The following NEMP1 variants were observed in gnomAD, a reference collection of about 807,000 sequenced individuals.
The protein encoded by NEMP1 is nuclear envelope integral membrane protein 1.
In NEMP1, 29 loss-of-function variants were observed where a neutral mutation model predicts 53.7. That is an observed-to-expected ratio of 0.54 (90% CI 0.40 to 0.74). The LOEUF (loss-of-function observed/expected upper bound fraction) is 0.74, where lower values mean the gene tolerates loss of function less well. NEMP1 is among the 30% of genes least tolerant of loss of function. NEMP1 has a pLI of 0.00. For missense variants in NEMP1, 477 were observed against 528.6 expected, an observed-to-expected ratio of 0.90 and a Z score of 0.96; for synonymous variants, 193 against 192.9, an observed-to-expected ratio of 1.00 and a Z score of 0.00.
intron 1 of NEMP1, among the ~76,000 whole-genome samples, chr12:57,073,192 T>C (rs2032435648): frequency 6.6e-6 from 1 of 151,792 alleles, no homozygotes. Flanking sequence ...AGTCTCGCTC[T>C]TTTGCCCAGG....
chr12:57,087,738 G>GCCCCA (rs1484201098), intron 1 of NEMP1, among the ~76,000 whole-genome samples: 1 of 152,008 alleles, frequency 6.6e-6, no homozygotes, highest in Non-Finnish European at 1.5e-5. Context: ...GCCCCGCCAT[G>GCCCCA]CCCCACCCCA....
chr12:57,057,851 C>T lies in NEMP1; in HGVS notation c.*2028G>A, dbSNP rs1372952238. 6.6e-6 allele frequency: 1 copy of T among 152,192 alleles called. No homozygotes were observed. Among genetic ancestry groups the T allele is most frequent in the Non-Finnish European group, 1.5e-5 (1 of 68,034 alleles). The allele number at this position is 152,192 out of a possible 1,614,324, so 9.4% of individuals were successfully genotyped here. ...GTCACCCTTATAGGCAAGCTATCAC[C>T]TCCCTAAGTAGGGGAGGCACCAAAA... On this transcript the variant is annotated 3_prime_UTR_variant, in exon 9 of 9. Transcript: ENST00000300128.
At chr12:57,074,943 A>T (rs571369450) in intron 1 of NEMP1, among the ~76,000 whole-genome samples, 1 of 152,216 alleles carries the variant, frequency 6.6e-6, no homozygotes, top group African/African-American at 2.4e-5. Flanking sequence ...CAAAAAAATC[A>T]GCTGGGCATG....
At chr12:57,086,535 C>T (rs796382409) in intron 1 of NEMP1, among the ~76,000 whole-genome samples, 1 of 151,788 alleles carries the variant, frequency 6.6e-6, no homozygotes, top group Non-Finnish European at 1.5e-5. Context: ...ACTCCCCCCC[C>T]CCCACACACA....
At chr12:57,067,152 G>A (rs929891134) in intron 4 of NEMP1, among the ~76,000 whole-genome samples, 2 of 151,816 alleles carry the variant, frequency 1.3e-5, no homozygotes, top group Non-Finnish European at 2.9e-5. Flanking sequence ...GGTGAAACCC[G>A]TCTCTACTAA....
At chr12:57,069,086 A>T (rs2032227410) in intron 4 of NEMP1, 148 bp downstream of exon 4, 1 of 511,108 alleles carries the variant, frequency 2.0e-6, no homozygotes, top group Admixed American at 3.9e-5. Flanking sequence ...CATAATACAC[A>T]TTAAAGTATT....
At chr12:57,078,595 TG>T (rs1330041358) in intron 1 of NEMP1, 23 bp downstream of exon 1, 16 of 1,595,912 alleles carry the variant, frequency 1.0e-5, no homozygotes, top group Non-Finnish European at 1.4e-5. Flanking sequence ...CCTGCCCCCT[TG>T]GCAGCTGCTG....
intron 5 of NEMP1, 138 bp downstream of exon 5, chr12:57,064,508 C>A (rs1042710308): frequency 8.5e-6 from 5 of 585,740 alleles, no homozygotes; most frequent in African/African-American, 1.9e-5. Flanking sequence ...GTGGAAAGTA[C>A]CTTTCTGAAT....
At chr12:57,072,636 T>C in intron 2 of NEMP1, 152 bp downstream of exon 2, 6 of 803,552 alleles carry the variant, frequency 7.5e-6, no homozygotes, top group Non-Finnish European at 1.1e-5. Context: ...TGCTTATTGA[T>C]GAAAACACAA....
intron 1 of NEMP1, among the ~76,000 whole-genome samples, chr12:57,086,535 C>A (rs796382409): frequency 2.1e-3 from 322 of 151,902 alleles, no homozygotes; most frequent in East Asian, 6.0e-3. Flanking sequence ...ACTCCCCCCC[C>A]CCCACACACA....
rs2031700376 is a variant in NEMP1, at chr12:57,059,674, C to A, written c.*205G>T. On this transcript the variant is annotated 3_prime_UTR_variant, in exon 9 of 9. Coordinates refer to ENST00000300128, the MANE Select transcript of NEMP1 (RefSeq NM_001130963.2). Reference sequence around the variant, plus strand: ...AATGGGAAGTGAACTACCCAGCATTCACTACTTTATCCACTCTCCTTCCTC... The same window carrying A: ...AATGGGAAGTGAACTACCCAGCATTAACTACTTTATCCACTCTCCTTCCTC... The A allele has an allele frequency of 1.4e-5, 7 of 504,464 alleles. No homozygotes were observed. The East Asian group carries it at 2.1e-4, about 15-fold the overall frequency. 31.2% of individuals were successfully genotyped at this position (504,464 alleles called of 1,614,324 possible).
At chr12:57,076,168 C>T (rs894831738) in intron 1 of NEMP1, among the ~76,000 whole-genome samples, 8 of 145,230 alleles carry the variant, frequency 5.5e-5, no homozygotes, top group African/African-American at 2.0e-4. Flanking sequence ...CTAGAAATAC[C>T]ACAAATATCC....
chr12:57,067,052 G>A (rs192477750), intron 4 of NEMP1, among the ~76,000 whole-genome samples: 42 of 152,274 alleles, frequency 2.8e-4, no homozygotes, highest in African/African-American at 9.4e-4. Context: ...TAGGCTGGGC[G>A]CAGTGGCTCA....
At position 57,059,914 on chromosome 12, in the gene NEMP1, A is replaced by G. The variant is rs777677545; in HGVS notation, c.1300T>C (p.Cys434Arg). 1.2e-6 allele frequency: 2 copies of G among 1,613,858 alleles called. No individual in the cohort carries two copies. Among genetic ancestry groups the G allele is most frequent in the Non-Finnish European group, 1.7e-6 (2 of 1,179,970 alleles). The change falls in exon 9 of 9, where the codon TGT (cysteine) becomes CGT (arginine). Residue 434 changes from cysteine to arginine, a missense_variant. Physicochemically the swap from Cys to Arg is radical, Grantham distance 180. Coordinates refer to ENST00000300128, the MANE Select transcript of NEMP1 (RefSeq NM_001130963.2). Reference protein sequence around the residue: ...SSEEEDSYSRCPAITQNNFLT With the variant: ...SSEEEDSYSRRPAITQNNFLT Reference sequence around the variant, plus strand: ...AAGTTGTTCTGTGTGATAGCAGGACACCGAGAATATGAGTCCTCCTCCTCA... The same window carrying G: ...AAGTTGTTCTGTGTGATAGCAGGACGCCGAGAATATGAGTCCTCCTCCTCA...
At chr12:57,084,536 G>A (rs1411829405) in intron 1 of NEMP1, among the ~76,000 whole-genome samples, 3 of 152,168 alleles carry the variant, frequency 2.0e-5, no homozygotes, top group African/African-American at 4.8e-5. Context: ...TTTCAACTGA[G>A]AGGGTCCTTC....
At position 57,059,549 on chromosome 12, in the gene NEMP1, T is replaced by C. The variant is rs556412910; in HGVS notation, c.*330A>G. On this transcript the variant is annotated 3_prime_UTR_variant, in exon 9 of 9. Coordinates refer to ENST00000300128, the MANE Select transcript of NEMP1 (RefSeq NM_001130963.2). Reference sequence around the variant, plus strand: ...TTGGAGAGCCAGCCAGTGACAGAAATGCCATGATTGAATCAACTTTCAAGA... The same window carrying C: ...TTGGAGAGCCAGCCAGTGACAGAAACGCCATGATTGAATCAACTTTCAAGA... The C allele has an allele frequency of 3.0e-4, 60 of 203,178 alleles. No individual in the cohort carries two copies. Among genetic ancestry groups the C allele is most frequent in the Admixed American group, 8.7e-4 (16 of 18,452 alleles). The allele number at this position is 203,178 out of a possible 1,614,324, so 12.6% of individuals were successfully genotyped here. A position where few individuals can be genotyped will look rare whatever the true frequency, so the allele number is the denominator to read the frequency against.
At chr12:57,081,495 G>A (rs775144656), upstream of NEMP1, among the ~76,000 whole-genome samples, 277 of 151,914 alleles carry the variant, frequency 1.8e-3, 1 homozygote, top group Admixed American at 4.8e-3. Flanking sequence ...TGCCCGCCTC[G>A]GCCTCCCGAA....
At position 57,058,147 on chromosome 12, in the gene NEMP1, T is replaced by A. The variant is rs1461839480; in HGVS notation, c.*1732A>T. 1 of 151,144 alleles carries A rather than the reference T, an allele frequency of 6.6e-6. No homozygotes were observed. Among genetic ancestry groups the A allele is most frequent in the Non-Finnish European group, 1.5e-5 (1 of 67,990 alleles). The allele number at this position is 151,144 out of a possible 1,614,324, so 9.4% of individuals were successfully genotyped here. ...CTCATTTTTCACTTTCTACTATATG[T>A]CTCTTTCCTGCCAACTGAGGTAGTT... On this transcript the variant is annotated 3_prime_UTR_variant, in exon 9 of 9. Transcript: ENST00000300128.
upstream of NEMP1, among the ~76,000 whole-genome samples, chr12:57,082,172 T>G (rs1247245249): frequency 6.6e-6 from 1 of 151,694 alleles, no homozygotes; most frequent in African/African-American, 2.4e-5. Flanking sequence ...TGAGCCAAGA[T>G]CAGTGCCACT....
Sources: gnomAD v4.1 joint callset for allele counts (sites outside exome capture counted in the v4.1 genomes callset) on GRCh38, gnomAD v4.1.1 for gene constraint, MANE v1.5 for transcripts, NCBI Gene and HGNC (gene_info 2026-07-23, HGNC 2026-07-21) for gene names.